GALNTL6: variants seen among roughly 807,000 people sequenced by gnomAD.
The protein encoded by GALNTL6 is polypeptide N-acetylgalactosaminyltransferase like 6.
Under a neutral mutation model 73.7 loss-of-function variants are expected in GALNTL6, and 46 were observed. The observed-to-expected ratio is 0.62, with a 90% confidence interval of 0.49 to 0.80. The LOEUF (loss-of-function observed/expected upper bound fraction) is 0.80, where lower values mean the gene tolerates loss of function less well. Ranked by LOEUF, GALNTL6 falls within the 30% of genes least tolerant of loss-of-function variation. GALNTL6 has a pLI of 0.00. For synonymous variants in GALNTL6, 259 were observed against 263.7 expected (o/e 0.98, Z 0.17); for missense variants, 604 against 755.0 (o/e 0.80, Z 2.34).
chr4:172,655,554 G>C (rs1303557225), intron 5 of GALNTL6, among the ~76,000 whole-genome samples: 1 of 152,046 alleles, frequency 6.6e-6, no homozygotes, highest in Non-Finnish European at 1.5e-5. Flanking sequence ...AATATACACA[G>C]CTCATAAAGG....
At chr4:171,875,138 T>C (rs1736239328) in intron 2 of GALNTL6, among the ~76,000 whole-genome samples, 1 of 152,154 alleles carries the variant, frequency 6.6e-6, no homozygotes, top group Non-Finnish European at 1.5e-5. Context: ...CCTTTAGCGA[T>C]AGGTACTATT....
chr4:172,541,892 CA>C (rs958661725), intron 5 of GALNTL6, among the ~76,000 whole-genome samples: 11 of 152,104 alleles, frequency 7.2e-5, no homozygotes, highest in African/African-American at 2.2e-4. Flanking sequence ...GAGACCTTAT[CA>C]GGAAGCTGCT....
At chr4:172,871,611 AGTGT>A (rs5864173) in intron 7 of GALNTL6, among the ~76,000 whole-genome samples, 3,348 of 137,418 alleles carry the variant, frequency 0.024, 59 homozygotes, top group Middle Eastern at 0.04. Context: ...TGTGTGTGAG[AGTGT>A]GTGTGTGTGT....
intron 2 of GALNTL6, among the ~76,000 whole-genome samples, chr4:172,076,205 T>C (rs13139421): frequency 0.88 from 133,765 of 152,230 alleles, 59,140 homozygotes; most frequent in Non-Finnish European, 0.93. Flanking sequence ...GCTAAATTAG[T>C]CTCTGCTGCA....
intron 2 of GALNTL6, among the ~76,000 whole-genome samples, chr4:171,860,953 C>A (rs932421813): frequency 6.6e-6 from 1 of 152,142 alleles, no homozygotes; most frequent in African/African-American, 2.4e-5. Context: ...CTCCATTCAG[C>A]ATTCAGCTTG....
chr4:172,535,017 A>T (rs1735298854), intron 5 of GALNTL6, among the ~76,000 whole-genome samples: 1 of 152,242 alleles, frequency 6.6e-6, no homozygotes, highest in Non-Finnish European at 1.5e-5. Context: ...TCATGGGTTT[A>T]AAGTTTTAGA....
chr4:172,447,637 G>A (rs570686075), intron 5 of GALNTL6, among the ~76,000 whole-genome samples: 17 of 151,964 alleles, frequency 1.1e-4, no homozygotes, highest in Non-Finnish European at 1.8e-4. Context: ...ATGCATTTAC[G>A]GCCAGTGTCA....
intron 5 of GALNTL6, among the ~76,000 whole-genome samples, chr4:172,746,193 T>C (rs1464419874): frequency 6.6e-6 from 1 of 152,100 alleles, no homozygotes; most frequent in Non-Finnish European, 1.5e-5. Context: ...GGCAGGTTAG[T>C]CAATTTCTAT....
intron 5 of GALNTL6, among the ~76,000 whole-genome samples, chr4:172,705,057 A>C (rs570689352): frequency 6.6e-6 from 1 of 151,586 alleles, no homozygotes; most frequent in Non-Finnish European, 1.5e-5. Flanking sequence ...TATTTTTTCT[A>C]TTTAAATCAT....
chr4:172,941,221 G>A (rs754585378), intron 9 of GALNTL6, among the ~76,000 whole-genome samples: 1 of 152,146 alleles, frequency 6.6e-6, no homozygotes, highest in Non-Finnish European at 1.5e-5. Context: ...AAGCTATGGG[G>A]ACAATATTAA....
At chr4:172,808,614 G>A (rs1389204735) in intron 5 of GALNTL6, among the ~76,000 whole-genome samples, 1 of 152,198 alleles carries the variant, frequency 6.6e-6, no homozygotes, top group African/African-American at 2.4e-5. Context: ...AATAAGAACT[G>A]AGAGCTTGAT....
intron 2 of GALNTL6, among the ~76,000 whole-genome samples, chr4:172,024,730 A>G (rs1386258752): frequency 6.6e-6 from 1 of 151,968 alleles, no homozygotes; most frequent in Non-Finnish European, 1.5e-5. Flanking sequence ...GCTGTAGTAC[A>G]AAATAAATAG....
intron 2 of GALNTL6, among the ~76,000 whole-genome samples, chr4:172,200,084 A>G (rs930744920): frequency 1.3e-5 from 2 of 152,162 alleles, no homozygotes; most frequent in African/African-American, 4.8e-5. Context: ...ATCACTAGCT[A>G]TTTATCCCAA....
chr4:172,106,607 TC>T (rs926146747), intron 2 of GALNTL6, among the ~76,000 whole-genome samples: 7 of 152,264 alleles, frequency 4.6e-5, no homozygotes, highest in African/African-American at 1.7e-4. Flanking sequence ...ATTATCTATT[TC>T]CTGGATGACT....
intron 2 of GALNTL6, among the ~76,000 whole-genome samples, chr4:171,892,292 T>C (rs1238653907): frequency 1.3e-5 from 2 of 152,152 alleles, no homozygotes; most frequent in Admixed American, 6.6e-5. Context: ...GTATCCCCCA[T>C]ATATAGAGGA....
intron 2 of GALNTL6, among the ~76,000 whole-genome samples, chr4:171,840,415 C>T (rs922868207): frequency 6.6e-6 from 1 of 150,870 alleles, no homozygotes; most frequent in South Asian, 2.1e-4. Flanking sequence ...TTGTGTTACT[C>T]GGAATCCCAC....
At chr4:172,057,712 A>C (rs1168951489) in intron 2 of GALNTL6, among the ~76,000 whole-genome samples, 6 of 13,894 alleles carry the variant, frequency 4.3e-4, no homozygotes, top group African/African-American at 7.3e-4. Context: ...AAAAAAAAAA[A>C]AAAAAAAAAA....
At chr4:172,897,641 C>T (rs1746399436) in intron 8 of GALNTL6, among the ~76,000 whole-genome samples, 1 of 152,148 alleles carries the variant, frequency 6.6e-6, no homozygotes, top group Admixed American at 6.5e-5. Flanking sequence ...ATTGATGGGA[C>T]AAAACACGTA....
chr4:172,808,454 A>T (rs1741102583), intron 5 of GALNTL6, among the ~76,000 whole-genome samples: 1 of 152,206 alleles, frequency 6.6e-6, no homozygotes, highest in African/African-American at 2.4e-5. Context: ...ACAGCATACT[A>T]AGATTCCACT....
Sources: gnomAD v4.1 joint callset for allele counts (sites outside exome capture counted in the v4.1 genomes callset) on GRCh38, gnomAD v4.1.1 for gene constraint, MANE v1.5 for transcripts, NCBI Gene and HGNC (gene_info 2026-07-23, HGNC 2026-07-21) for gene names.